LMAN1: variants seen among roughly 807,000 people sequenced by gnomAD.
LMAN1 encodes protein ERGIC-53.
A neutral mutation model predicts 67.8 loss-of-function variants in LMAN1; 32 were observed. The ratio of observed to expected loss-of-function variants is 0.47; its 90% confidence interval spans 0.36 to 0.63. The LOEUF (loss-of-function observed/expected upper bound fraction) is 0.63. LMAN1 is among the 30% of genes least tolerant of loss of function. LMAN1 has a pLI of 0.00. For synonymous variants in LMAN1, 235 were observed against 219.3 expected (o/e 1.07, Z -0.63); for missense variants, 632 against 628.2 (o/e 1.01, Z -0.06).
Position 59,328,068 on chromosome 18 carries a change from T to C in LMAN1, c.*3025A>G, listed in dbSNP as rs552596427. On this transcript the variant is annotated 3_prime_UTR_variant, in exon 13 of 13. Transcript: ENST00000251047. ...TCTTATAAATTAAAAAAATCCTCAA[T>C]ATAATCATTTGTTCACTATCTTCTT... 2.6e-5 allele frequency: 4 copies of C among 152,220 alleles called. No individual in the cohort carries two copies. The South Asian group carries it at 8.3e-4, about 32-fold the overall frequency. The allele number at this position is 152,220 out of a possible 1,614,324, so 9.4% of individuals were successfully genotyped here. A position where few individuals can be genotyped will look rare whatever the true frequency, so the allele number is the denominator to read the frequency against.
chr18:59,336,076 C>CT (rs1003119355), intron 10 of LMAN1, among the ~76,000 whole-genome samples: 1 of 152,174 alleles, frequency 6.6e-6, no homozygotes, highest in African/African-American at 2.4e-5. Flanking sequence ...TCTGCATAAT[C>CT]TCATGGTTTA....
chr18:59,338,426 G>A, intron 10 of LMAN1, 131 bp downstream of exon 10: 2 of 740,552 alleles, frequency 2.7e-6, no homozygotes, highest in East Asian at 2.7e-5. Flanking sequence ...TCCCCTATTT[G>A]TAAAATGAAT....
Position 59,355,559 on chromosome 18 carries a change from T to C in LMAN1, c.314A>G (p.Glu105Gly), listed in dbSNP as rs1478798589. 2.3e-5 allele frequency: 37 copies of C among 1,614,162 alleles called. No homozygotes were observed. The highest frequency in any genetic ancestry group is 3.1e-5 in the Non-Finnish European group (37 of 1,179,990). Residue 105 changes from glutamate to glycine, a missense_variant, in exon 2 of 13, where the codon GAA becomes GGA. Coordinates refer to ENST00000251047, the MANE Select transcript of LMAN1 (RefSeq NM_005570.4). ...AGTCACTCGAAATGTCACCTCAACT[T>C]CCCAGTTCTCAAAGGCCGCTTTTGT... ...TKTKAAFENW[E>G]VEVTFRVTGR...
Position 59,346,028 on chromosome 18 carries a change from C to G in LMAN1, c.846G>C (p.Ser282=), listed in dbSNP as rs377676111. The G allele has an allele frequency of 1.9e-6, 3 of 1,612,068 alleles. No individual in the cohort carries two copies. In the South Asian group the frequency reaches 3.3e-5, roughly 18 times the overall value. Residue 282 remains serine (S), a synonymous_variant, in exon 8 of 13, where the codon TCG becomes TCC. Transcript: ENST00000251047. ...KEPPTPDKEI[S]EKEKEKYQEE... ...CCTGATACTTTTCTTTTTCCTTTTC[C>G]GAAATTTCTTTATCTGGTGTGGGCT... is the stretch of plus-strand genomic sequence containing the variant.
chr18:59,337,339 A>G (rs1455072995), intron 10 of LMAN1, among the ~76,000 whole-genome samples: 1 of 152,130 alleles, frequency 6.6e-6, no homozygotes, highest in Admixed American at 6.5e-5. Flanking sequence ...CAGAAGGCTA[A>G]AGAGAAAAAA....
intron 8 of LMAN1, among the ~76,000 whole-genome samples, chr18:59,344,582 A>C (rs1043676064): frequency 2.0e-5 from 3 of 151,950 alleles, no homozygotes; most frequent in African/African-American, 7.3e-5. Flanking sequence ...ATACATTCTC[A>C]CTTATAAGTA....
rs760358845 is a variant in LMAN1, at chr18:59,338,524, C to T, written c.1220+33G>A. 5 of 1,569,940 alleles carry T rather than the reference C, an allele frequency of 3.2e-6. No individual in the cohort carries two copies. The Admixed American group carries it at 6.7e-5, about 21-fold the overall frequency. The stretch of plus-strand genomic sequence containing the variant: ...CACAAATTTAGGATAAAAAAAATCA[C>T]ATAACACACAAACGCTACTTTTCCA... On this transcript the variant is annotated intron_variant, in intron 10 of 12. Coordinates refer to ENST00000251047, the MANE Select transcript of LMAN1 (RefSeq NM_005570.4).
chr18:59,332,374 G>T (rs968470608), intron 11 of LMAN1, among the ~76,000 whole-genome samples: 1 of 152,078 alleles, frequency 6.6e-6, no homozygotes, highest in African/African-American at 2.4e-5. Context: ...ATATATACAG[G>T]AATATAGTTA....
chr18:59,355,190 A>G, intron 3 of LMAN1, 123 bp downstream of exon 3: 1 of 758,756 alleles, frequency 1.3e-6, no homozygotes, highest in Non-Finnish European at 2.3e-6. Context: ...CACATTTACC[A>G]TATAGCTTGG....
chr18:59,353,433 A>G, intron 4 of LMAN1, 132 bp from the exon 5 acceptor site: 1 of 705,394 alleles, frequency 1.4e-6, no homozygotes. Flanking sequence ...AAAAGACTAC[A>G]CGAGACTACA....
intron 4 of LMAN1, 76 bp from the exon 5 acceptor site, chr18:59,353,377 A>T (rs182602960): frequency 9.6e-7 from 1 of 1,043,720 alleles, no homozygotes; most frequent in Non-Finnish European, 1.5e-6. Context: ...GACTAAAATA[A>T]TATCAAGTTA....
chr18:59,340,313 A>T (rs1010025714), intron 8 of LMAN1, among the ~76,000 whole-genome samples: 1 of 152,206 alleles, frequency 6.6e-6, no homozygotes, highest in East Asian at 1.9e-4. Flanking sequence ...ATATATTGCA[A>T]AAAGGGTTTC....
At chr18:59,347,464 A>G in intron 7 of LMAN1, 49 bp downstream of exon 7, 1 of 1,382,842 alleles carries the variant, frequency 7.2e-7, no homozygotes, top group South Asian at 1.2e-5. Flanking sequence ...ACGTTCAGCT[A>G]AAAGGCAAAC....
intron 10 of LMAN1, among the ~76,000 whole-genome samples, chr18:59,336,287 G>A (rs571250790): frequency 2.0e-5 from 3 of 152,184 alleles, no homozygotes; most frequent in Non-Finnish European, 4.4e-5. Flanking sequence ...ACTGAGGGCA[G>A]AGAAAATACA....
Position 59,353,397 on chromosome 18 carries a change from CTT to C in LMAN1, c.540-98_540-97del, listed in dbSNP as rs199874158. On this transcript the variant is annotated intron_variant, in intron 4 of 12. Transcript: ENST00000251047. ...AAATAATATCAAGTTATGAAAAAGT[CTT>C]GAGATACTTTATGTTATTTACTCAA... 248 of 899,472 alleles carry C rather than the reference CTT, an allele frequency of 2.8e-4. 3 individuals are homozygous for C. In the African/African-American group the frequency reaches 3.4e-3, roughly 12 times the overall value. The allele number at this position is 899,472 out of a possible 1,614,324, so 55.7% of individuals were successfully genotyped here. A position where few individuals can be genotyped will look rare whatever the true frequency, so the allele number is the denominator to read the frequency against.
chr18:59,354,970 TG>T (rs1205878104), intron 3 of LMAN1, among the ~76,000 whole-genome samples: 2 of 152,212 alleles, frequency 1.3e-5, no homozygotes, highest in East Asian at 3.8e-4. Context: ...GATGTGCTTA[TG>T]TAAGTGTTTA....
intron 1 of LMAN1, among the ~76,000 whole-genome samples, chr18:59,358,049 G>A (rs925138868): frequency 2.6e-5 from 4 of 151,304 alleles, no homozygotes; most frequent in African/African-American, 9.7e-5. Context: ...AAAGGCATTT[G>A]CCACTTGTTC....
chr18:59,338,994 C>T, intron 8 of LMAN1, 41 bp from the exon 9 acceptor site: 3 of 1,562,250 alleles, frequency 1.9e-6, no homozygotes, highest in South Asian at 2.2e-5. Context: ...GTCACCTACA[C>T]ATATGTAGTT....
In LMAN1 at chr18:59,336,887, A is replaced by AAAAT. The variant is rs1241206456; in HGVS notation, c.1220+1666_1220+1669dup. Among the ~76,000 whole-genome samples, 16 of 152,030 alleles carry AAAAT rather than the reference A, an allele frequency of 1.1e-4. No individual in the cohort carries two copies. In the South Asian group the frequency reaches 2.5e-3, roughly 24 times the overall value. ...CAACAGAGCTAGACCCTGTCTCAAA[A>AAAAT]AAATAAATAAATAAATACATAAAAA... On this transcript the variant is annotated intron_variant, in intron 10 of 12. Coordinates refer to ENST00000251047, the MANE Select transcript of LMAN1 (RefSeq NM_005570.4).
Sources: gnomAD v4.1 joint callset for allele counts (sites outside exome capture counted in the v4.1 genomes callset) on GRCh38, gnomAD v4.1.1 for gene constraint, MANE v1.5 for transcripts, NCBI Gene and HGNC (gene_info 2026-07-23, HGNC 2026-07-21) for gene names.